Variants in DENND5B observed in about 807,000 individuals in gnomAD.
DENND5B encodes DENN domain-containing protein 5B.
DENND5B carries 34 observed loss-of-function variants against 140.6 expected under a neutral mutation model. That is an observed-to-expected ratio of 0.24 (90% CI 0.18 to 0.32). The LOEUF is 0.32. DENND5B is among the 10% of genes least tolerant of loss of function. DENND5B has a pLI of 1.00. For synonymous variants in DENND5B, 551 were observed against 562.1 expected (o/e 0.98, Z 0.28); for missense variants, 1,142 against 1,560.2 (o/e 0.73, Z 4.52).
At chr12:31,389,026 G>A (rs1940992130) in intron 20 of DENND5B, among the ~76,000 whole-genome samples, 1 of 152,048 alleles carries the variant, frequency 6.6e-6, no homozygotes, top group African/African-American at 2.4e-5. Context: ...GCTAACTTAC[G>A]TGTGCCTCAT....
Position 31,420,032 on chromosome 12 carries a change from G to C in DENND5B, c.2470+3565C>G, listed in dbSNP as rs539356811. 1.7e-5 allele frequency: 17 copies of C among 983,074 alleles called. No individual in the cohort carries two copies. In the South Asian group the frequency reaches 7.6e-4, roughly 44 times the overall value. The allele number at this position is 983,074 out of a possible 1,614,324, so 60.9% of individuals were successfully genotyped here. ...AGCATTTCCACTCCCTTCAGTGGAAGGGCTCTACACCTACCCCCTGCCAAA... is the reference window on the plus strand; with the variant it reads ...AGCATTTCCACTCCCTTCAGTGGAACGGCTCTACACCTACCCCCTGCCAAA... On this transcript the variant is annotated intron_variant, in intron 11 of 20. Coordinates refer to ENST00000389082, the MANE Select transcript of DENND5B (RefSeq NM_144973.4).
intron 1 of DENND5B, among the ~76,000 whole-genome samples, chr12:31,539,387 C>T (rs1234099211): frequency 6.6e-6 from 1 of 151,982 alleles, no homozygotes; most frequent in Non-Finnish European, 1.5e-5. Flanking sequence ...CTCTATGAGG[C>T]CTGTATACCA....
intron 3 of DENND5B, chr12:31,465,373 A>AT: frequency 6.6e-6 from 1 of 152,580 alleles, no homozygotes; most frequent in Non-Finnish European, 1.5e-5. Flanking sequence ...GTGACTGATT[A>AT]TTTTTTATTT....
intron 1 of DENND5B, among the ~76,000 whole-genome samples, chr12:31,516,353 A>G (rs1280356576): frequency 1.3e-5 from 2 of 151,914 alleles, no homozygotes; most frequent in Non-Finnish European, 2.9e-5. Context: ...GTGCACACCT[A>G]TAGTCCCAGA....
intron 10 of DENND5B, among the ~76,000 whole-genome samples, chr12:31,424,267 A>T (rs1328443428): frequency 6.6e-6 from 1 of 152,190 alleles, no homozygotes; most frequent in East Asian, 1.9e-4. Flanking sequence ...ACAGTGACAA[A>T]GGCAAACATT....
At chr12:31,496,047 T>C (rs73084432) in intron 1 of DENND5B, 128 bp from the exon 2 acceptor site, 11,844 of 583,942 alleles carry the variant, frequency 0.02, 172 homozygotes, top group Non-Finnish European at 0.026. Context: ...CCTCTAACCA[T>C]CTGTATTGTA....
In DENND5B at chr12:31,547,408, T is replaced by C. The variant is rs887404720; in HGVS notation, c.127+43298A>G. On this transcript the variant is annotated intron_variant, in intron 1 of 20. Transcript: ENST00000389082. Reference sequence around the variant, plus strand: ...TCCGGCTAGCAAACTAAAAAGTTTTTTGTTTTGTTTTTGAGACAGAGTCTC... The same window carrying C: ...TCCGGCTAGCAAACTAAAAAGTTTTCTGTTTTGTTTTTGAGACAGAGTCTC... 2.0e-4 allele frequency among the ~76,000 whole-genome samples: 31 copies of C among 152,064 alleles called. 1 individual carries two copies. The highest frequency in any genetic ancestry group is 7.2e-4 in the African/African-American group (30 of 41,410).
intron 1 of DENND5B, among the ~76,000 whole-genome samples, chr12:31,561,517 C>G (rs1226111408): frequency 1.3e-5 from 2 of 152,132 alleles, no homozygotes; most frequent in Admixed American, 6.5e-5. Flanking sequence ...CAGTTCATCT[C>G]TAGGAAAAGG....
chr12:31,587,792 C>T (rs1017600027), intron 1 of DENND5B, among the ~76,000 whole-genome samples: 4 of 152,078 alleles, frequency 2.6e-5, no homozygotes, highest in Non-Finnish European at 4.4e-5. Flanking sequence ...AGTGATCCAC[C>T]TGCCTCGGCC....
At chr12:31,403,896 CCAAAAAAAA>C (rs1941969155) in intron 14 of DENND5B, among the ~76,000 whole-genome samples, 1 of 81,628 alleles carries the variant, frequency 1.2e-5, no homozygotes, top group Non-Finnish European at 2.4e-5. Flanking sequence ...AACTCCATCT[CCAAAAAAAA>C]AAAAAAAAAA....
intron 1 of DENND5B, among the ~76,000 whole-genome samples, chr12:31,497,788 GGGGGAGGGGCAT>G (rs1946818681): frequency 2.2e-5 from 1 of 45,146 alleles, no homozygotes; most frequent in Admixed American, 2.5e-4. Flanking sequence ...GGAGGGTGGA[GGGGGAGGGGCAT>G]GGGGAGGGGC....
At chr12:31,451,797 CA>C (rs770407393) in intron 5 of DENND5B, 142 bp downstream of exon 5, 93 of 994,742 alleles carry the variant, frequency 9.3e-5, no homozygotes, top group Non-Finnish European at 1.3e-4. Flanking sequence ...GGCTGGAAGA[CA>C]AAAAGTCTGC....
At chr12:31,564,588 T>TTA (rs1949570066) in intron 1 of DENND5B, among the ~76,000 whole-genome samples, 1 of 147,590 alleles carries the variant, frequency 6.8e-6, no homozygotes, top group African/African-American at 2.5e-5. Flanking sequence ...ATTATTATTA[T>TTA]TATTATTATT....
In DENND5B at chr12:31,452,263, T is replaced by G; in HGVS notation, c.1306A>C (p.Asn436His). The G allele has an allele frequency of 6.2e-7, 1 of 1,613,990 alleles. No homozygotes were observed. The highest frequency in any genetic ancestry group is 8.5e-7 in the Non-Finnish European group (1 of 1,179,898). ...KDLVNDKKNG[N>H]VCTNNISMYE... The stretch of plus-strand genomic sequence containing the variant: ...ATGCTGATGTTATTAGTACAGACAT[T>G]GCCGTTCTTTTTGTCATTGACCAAG... The change falls in exon 5 of 21, where the codon AAT becomes CAT. Residue 436 changes from asparagine to histidine, a missense_variant. By Grantham distance (68) the Asn-to-His change is moderately conservative (BLOSUM62 1). This residue lies in a region of DENND5B where 708 missense variants were observed against 905.5 expected (regional missense o/e 0.78). Transcript: ENST00000389082.
At chr12:31,463,577 C>T (rs1033504672) in intron 3 of DENND5B, among the ~76,000 whole-genome samples, 1 of 152,166 alleles carries the variant, frequency 6.6e-6, no homozygotes, top group Non-Finnish European at 1.5e-5. Context: ...AGATTTTATT[C>T]CATCCATGTG....
At chr12:31,569,060 CTTTTTTT>C (rs1234009016) in intron 1 of DENND5B, among the ~76,000 whole-genome samples, 2 of 93,160 alleles carry the variant, frequency 2.1e-5, no homozygotes, top group East Asian at 5.0e-4. Flanking sequence ...AGCAACATAC[CTTTTTTT>C]TTTTTTTTTT....
intron 1 of DENND5B, among the ~76,000 whole-genome samples, chr12:31,553,024 C>A (rs1442258080): frequency 2.0e-5 from 3 of 152,084 alleles, no homozygotes; most frequent in Admixed American, 2.0e-4. Context: ...GTCCTGGATT[C>A]ATTAATTTTT....
intron 1 of DENND5B, among the ~76,000 whole-genome samples, chr12:31,507,393 C>T (rs1947244122): frequency 6.6e-6 from 1 of 152,090 alleles, no homozygotes. Flanking sequence ...CCTGGGCCTC[C>T]CAAAGCACTG....
chr12:31,484,414 G>A (rs749875805), intron 2 of DENND5B, among the ~76,000 whole-genome samples: 3 of 152,056 alleles, frequency 2.0e-5, no homozygotes, highest in Non-Finnish European at 4.4e-5. Flanking sequence ...ACTCAACGTC[G>A]ACCATTCTAT....
Sources: allele counts gnomAD v4.1 joint callset (sites outside exome capture counted in the v4.1 genomes callset), GRCh38; gene constraint gnomAD v4.1.1; regional missense constraint gnomAD v4.1.1; transcripts MANE v1.5; gene names NCBI Gene and HGNC (gene_info 2026-07-23, HGNC 2026-07-21).